The following RPRD2 variants were observed in gnomAD, a reference collection of about 807,000 sequenced individuals.
RPRD2 encodes regulation of nuclear pre-mRNA domain-containing protein 2.
Under a neutral mutation model 104.4 loss-of-function variants are expected in RPRD2, and 12 were observed. The ratio of observed to expected loss-of-function variants is 0.11; its 90% confidence interval spans 0.07 to 0.19. RPRD2 has a LOEUF of 0.19. Ranked by LOEUF, RPRD2 falls within the 10% of genes least tolerant of loss-of-function variation. The pLI, the probability that RPRD2 is intolerant of heterozygous loss-of-function variation, is 1.00. For missense variants in RPRD2, 1,543 were observed against 1,790.1 expected, an observed-to-expected ratio of 0.86 and a Z score of 2.49; for synonymous variants, 714 against 684.9, an observed-to-expected ratio of 1.04 and a Z score of -0.66.
Position 150,470,999 on chromosome 1 carries a change from GCTTAAA to G in RPRD2, c.2059_2064del (p.Leu687_Asn688del), listed in dbSNP as rs778306067. 3.7e-6 allele frequency: 6 copies of G among 1,613,888 alleles called. No individual in the cohort carries two copies. The highest frequency in any genetic ancestry group is 1.3e-5 in the African/African-American group (1 of 74,910). On this transcript the variant is annotated inframe_deletion, in exon 11 of 11. Coordinates refer to ENST00000369068, the MANE Select transcript of RPRD2 (RefSeq NM_015203.5). ...TTAAAAGGTAATCCTGGTTTCAGTG[GCTTAAA>G]CTTAAACATCCCAATCCTGAGCAGT... is the stretch of plus-strand genomic sequence containing the variant.
At chr1:150,367,571 G>A (rs1431235635) in intron 1 of RPRD2, among the ~76,000 whole-genome samples, 1 of 118,896 alleles carries the variant, frequency 8.4e-6, no homozygotes, top group African/African-American at 3.3e-5. Context: ...TTAGACCTCA[G>A]TATAAATTTA....
chr1:150,450,227 T>C (rs1440134573), intron 7 of RPRD2, among the ~76,000 whole-genome samples: 1 of 152,172 alleles, frequency 6.6e-6, no homozygotes, highest in Non-Finnish European at 1.5e-5. Flanking sequence ...TGAAAATAAG[T>C]TGCTTGTACC....
At chr1:150,443,863 C>A (rs1404237650) in intron 5 of RPRD2, among the ~76,000 whole-genome samples, 153 of 129,760 alleles carry the variant, frequency 1.2e-3, no homozygotes, top group South Asian at 3.4e-3. Flanking sequence ...AAAAAAAAAA[C>A]AAAAATTAGC....
At chr1:150,425,520 A>G (rs1553890415) in intron 2 of RPRD2, among the ~76,000 whole-genome samples, 2 of 151,946 alleles carry the variant, frequency 1.3e-5, no homozygotes, top group African/African-American at 4.8e-5. Flanking sequence ...GCGCATACCT[A>G]TAATCCCAGC....
At chr1:150,412,160 A>C (rs1383995722) in intron 1 of RPRD2, among the ~76,000 whole-genome samples, 2 of 152,194 alleles carry the variant, frequency 1.3e-5, no homozygotes, top group Non-Finnish European at 2.9e-5. Flanking sequence ...GAGAAATTCC[A>C]GTCTTCTGGA....
chr1:150,429,759 AGTT>A (rs1553891261), intron 2 of RPRD2, among the ~76,000 whole-genome samples: 1 of 152,246 alleles, frequency 6.6e-6, no homozygotes, highest in Non-Finnish European at 1.5e-5. Context: ...TTGAAGAAAC[AGTT>A]GTTTGTATAT....
At chr1:150,376,796 G>A (rs1200147558) in intron 1 of RPRD2, among the ~76,000 whole-genome samples, 5 of 150,064 alleles carry the variant, frequency 3.3e-5, no homozygotes, top group South Asian at 4.3e-4. Context: ...CACCGCGCCC[G>A]GCCGATACAG....
At chr1:150,386,842 T>C (rs1236417487) in intron 1 of RPRD2, among the ~76,000 whole-genome samples, 2 of 152,190 alleles carry the variant, frequency 1.3e-5, no homozygotes, top group African/African-American at 4.8e-5. Context: ...AGGAGATGGC[T>C]ACAAAATTAT....
At chr1:150,452,327 A>G (rs909237262) in intron 7 of RPRD2, among the ~76,000 whole-genome samples, 8 of 152,180 alleles carry the variant, frequency 5.3e-5, no homozygotes, top group African/African-American at 1.7e-4. Flanking sequence ...TGTCAGAGAG[A>G]GCACAGCCTG....
At chr1:150,369,144 G>A (rs587719624) in intron 1 of RPRD2, among the ~76,000 whole-genome samples, 1 of 152,270 alleles carries the variant, frequency 6.6e-6, no homozygotes, top group Non-Finnish European at 1.5e-5. Context: ...GAACAGAATT[G>A]CTTTAATTTC....
intron 1 of RPRD2, among the ~76,000 whole-genome samples, chr1:150,388,441 T>A (rs1224083075): frequency 2.0e-5 from 3 of 149,966 alleles, no homozygotes; most frequent in African/African-American, 7.4e-5. Flanking sequence ...TATACATGTA[T>A]ACACACATAT....
intron 1 of RPRD2, among the ~76,000 whole-genome samples, chr1:150,405,225 TTAAG>T (rs1663372163): frequency 6.6e-6 from 1 of 152,168 alleles, no homozygotes; most frequent in African/African-American, 2.4e-5. Flanking sequence ...GAGTAGTAAA[TTAAG>T]TAACTGGTGG....
chr1:150,470,300 G>A (rs1444727989), intron 10 of RPRD2, among the ~76,000 whole-genome samples: 1 of 151,928 alleles, frequency 6.6e-6, no homozygotes, highest in African/African-American at 2.4e-5. Context: ...CCCCCTTCCT[G>A]TTGCCTTTTA....
rs1280243239 is a variant in RPRD2 at position 150,473,157 on chromosome 1, C to G, written c.4209C>G (p.His1403Gln). The G allele has an allele frequency of 6.2e-7, 1 of 1,613,848 alleles. No homozygotes were observed. The highest frequency in any genetic ancestry group is 1.3e-5 in the African/African-American group (1 of 74,934). The change falls in exon 11 of 11, where the codon CAC becomes CAG. Residue 1403 changes from histidine (H) to glutamine (Q), a missense_variant. This residue lies in a region of RPRD2 where 880 missense variants were observed against 885.6 expected (regional missense o/e 0.99). Transcript: ENST00000369068. ...SSSGPPLGPSHRDTISRSGII... is the reference protein window; with the variant it reads ...SSSGPPLGPSQRDTISRSGII... ...GTGGCCCCCCCTTGGGTCCCTCACACAGAGACACCATCAGCCGGAGTGGTA... is the reference window on the plus strand; with the variant it reads ...GTGGCCCCCCCTTGGGTCCCTCACAGAGAGACACCATCAGCCGGAGTGGTA...
rs147219302 is a variant in RPRD2, at chr1:150,449,098, T to C, written c.870+2697T>C. 2.6e-5 allele frequency among the ~76,000 whole-genome samples: 4 copies of C among 152,280 alleles called. No homozygotes were observed. The East Asian group carries it at 7.7e-4, about 29-fold the overall frequency. The stretch of plus-strand genomic sequence containing the variant: ...TGGGCAACATTGTGAGACCCTTCTA[T>C]ACATTAAAAGAAGAAAGAAAAGGAA... On this transcript the variant is annotated intron_variant, in intron 7 of 10. Transcript: ENST00000369068.
chr1:150,414,937 AC>A (rs1664223087), intron 1 of RPRD2, among the ~76,000 whole-genome samples: 1 of 152,168 alleles, frequency 6.6e-6, no homozygotes, highest in African/African-American at 2.4e-5. Context: ...GCTAGGGGTA[AC>A]CTAAGGTGGT....
chr1:150,439,479 C>CA (rs61146157), intron 2 of RPRD2, among the ~76,000 whole-genome samples: 25 of 149,224 alleles, frequency 1.7e-4, no homozygotes, highest in South Asian at 2.1e-4. Context: ...GACCCTGTCT[C>CA]AAAAAAAAAG....
chr1:150,385,367 C>T (rs1049643154), intron 1 of RPRD2, among the ~76,000 whole-genome samples: 20 of 151,998 alleles, frequency 1.3e-4, no homozygotes, highest in African/African-American at 4.8e-4. Context: ...GCCCCAAGTA[C>T]TCGGGAGGCT....
Position 150,384,870 on chromosome 1 carries a change from T to G in RPRD2, c.205+19951T>G, listed in dbSNP as rs141718068. Reference sequence around the variant, plus strand: ...GGGAATATATTTAAAAGAAGGTAACTAGCTGAGTGTGGTGGTGGCGTGTGA... The same window carrying G: ...GGGAATATATTTAAAAGAAGGTAACGAGCTGAGTGTGGTGGTGGCGTGTGA... On this transcript the variant is annotated intron_variant, in intron 1 of 10. Transcript: ENST00000369068. Among the ~76,000 whole-genome samples, 3 of 152,048 alleles carry G rather than the reference T, an allele frequency of 2.0e-5. No homozygotes were observed. The East Asian group carries it at 5.8e-4, about 30-fold the overall frequency.
Sources: gnomAD v4.1 joint callset for allele counts (sites outside exome capture counted in the v4.1 genomes callset) on GRCh38, gnomAD v4.1.1 for gene constraint, gnomAD v4.1.1 regional missense constraint, MANE v1.5 for transcripts, NCBI Gene and HGNC (gene_info 2026-07-23, HGNC 2026-07-21) for gene names.